FAT3: variants seen among roughly 807,000 people sequenced by gnomAD.
FAT3 encodes protocadherin Fat 3.
FAT3 carries 95 observed loss-of-function variants against 310.2 expected under a neutral mutation model. The observed-to-expected ratio is 0.31, with a 90% CI of 0.26 to 0.36. The LOEUF is 0.36. Among genes scored for constraint, FAT3 ranks in the 10% least tolerant of loss-of-function variants. The pLI, the probability that FAT3 is intolerant of heterozygous loss-of-function variation, is 1.00. For synonymous variants in FAT3, 2,314 were observed against 2,192.9 expected (o/e 1.06, Z -1.54); for missense variants, 5,408 against 5,715.6 (o/e 0.95, Z 1.74).
intron 3 of FAT3, among the ~76,000 whole-genome samples, chr11:92,614,940 A>T (rs1289395795): frequency 1.3e-5 from 2 of 152,214 alleles, no homozygotes; most frequent in Non-Finnish European, 2.9e-5. Context: ...CAGTTGTCCT[A>T]GCACTATATG....
intron 4 of FAT3, among the ~76,000 whole-genome samples, chr11:92,729,489 T>G (rs1945106908): frequency 6.7e-6 from 1 of 149,400 alleles, no homozygotes; most frequent in African/African-American, 2.5e-5. Flanking sequence ...TGCAGTGGCG[T>G]GATCTCGGCT....
chr11:92,640,838 G>C (rs968567099), intron 3 of FAT3, among the ~76,000 whole-genome samples: 1 of 152,182 alleles, frequency 6.6e-6, no homozygotes, highest in Admixed American at 6.5e-5. Flanking sequence ...GGCACAGTTG[G>C]TGAATGTGAA....
At chr11:92,802,002 G>A (rs908784195) in intron 10 of FAT3, 93 bp downstream of exon 10, 15 of 1,218,796 alleles carry the variant, frequency 1.2e-5, no homozygotes, top group Admixed American at 7.1e-5. Context: ...AGGAAGATGG[G>A]ATAAGGAGTC....
chr11:92,429,923 G>C (rs761516007), intron 2 of FAT3, among the ~76,000 whole-genome samples: 1 of 152,132 alleles, frequency 6.6e-6, no homozygotes, highest in Non-Finnish European at 1.5e-5. Context: ...ATGTTGGCCT[G>C]TCTTGCTAGG....
At chr11:92,754,054 G>A (rs1945904181) in intron 4 of FAT3, among the ~76,000 whole-genome samples, 1 of 151,784 alleles carries the variant, frequency 6.6e-6, no homozygotes, top group South Asian at 2.1e-4. Context: ...GGTGAGGGGT[G>A]CACCAACATC....
At chr11:92,345,536 A>AC (rs1312514282) in intron 1 of FAT3, among the ~76,000 whole-genome samples, 2 of 152,044 alleles carry the variant, frequency 1.3e-5, no homozygotes, top group African/African-American at 4.8e-5. Context: ...CTGCAGTGGT[A>AC]CCCCCAAATC....
intron 3 of FAT3, among the ~76,000 whole-genome samples, chr11:92,534,397 T>C (rs1445767078): frequency 6.6e-6 from 1 of 152,166 alleles, no homozygotes; most frequent in Non-Finnish European, 1.5e-5. Context: ...TAAAAATAAA[T>C]GCTATTGAAT....
Position 92,413,801 on chromosome 11 carries a change from T to C in FAT3, c.3292+58397T>C, listed in dbSNP as rs567038605. Among the ~76,000 whole-genome samples the C allele has an allele frequency of 1.2e-4, 19 of 152,330 alleles. 1 individual carries two copies. The South Asian group carries it at 3.7e-3, about 30-fold the overall frequency. On this transcript the variant is annotated intron_variant, in intron 2 of 27. Transcript: ENST00000525166. ...TCACCAAGAATATTATTTCCATATATGTTGACAGGCGGGAGAGGAAAGTTT... is the reference window on the plus strand; with the variant it reads ...TCACCAAGAATATTATTTCCATATACGTTGACAGGCGGGAGAGGAAAGTTT...
chr11:92,776,263 A>G lies in FAT3; in HGVS notation c.4335+2083A>G, dbSNP rs993576550. Among the ~76,000 whole-genome samples, 6 of 152,358 alleles carry G rather than the reference A, an allele frequency of 3.9e-5. No individual in the cohort carries two copies. In the East Asian group the frequency reaches 1.2e-3, roughly 29 times the overall value. ...AATTGAATATTTTTAGAACAAGTGA[A>G]TGAATAGTAGATACATATTCAGCAG... On this transcript the variant is annotated intron_variant, in intron 7 of 27. Coordinates refer to ENST00000525166, the MANE Select transcript of FAT3 (RefSeq NM_001367949.2).
At chr11:92,382,412 G>T (rs1371669948) in intron 2 of FAT3, among the ~76,000 whole-genome samples, 1 of 152,158 alleles carries the variant, frequency 6.6e-6, no homozygotes, top group Non-Finnish European at 1.5e-5. Context: ...TGTTATTAAA[G>T]TGACAAAGCT....
intron 1 of FAT3, among the ~76,000 whole-genome samples, chr11:92,309,895 T>C (rs1207372815): frequency 6.6e-6 from 1 of 152,168 alleles, no homozygotes; most frequent in African/African-American, 2.4e-5. Flanking sequence ...TTCCAACTAA[T>C]TGGCTCTTGA....
At chr11:92,815,340 G>A (rs1432789254) in intron 13 of FAT3, among the ~76,000 whole-genome samples, 1 of 152,220 alleles carries the variant, frequency 6.6e-6, no homozygotes, top group South Asian at 2.1e-4. Context: ...TTTGGAGGCT[G>A]AGGAGGGCAG....
Position 92,352,390 on chromosome 11 carries a change from A to G in FAT3, c.278A>G (p.Lys93Arg). 6.2e-7 allele frequency: 1 copy of G among 1,610,480 alleles called. No homozygotes were observed. Among genetic ancestry groups the G allele is most frequent in the African/African-American group, 1.3e-5 (1 of 74,956 alleles). Reference protein sequence around the residue: ...IVSGDEEGFFKAEEVIIADFC... With the variant: ...IVSGDEEGFFRAEEVIIADFC... ...TCCGGAGACGAGGAAGGCTTTTTCA[A>G]AGCAGAGGAAGTCATCATTGCAGAT... Residue 93 changes from lysine to arginine, a missense_variant, in exon 2 of 28, where the codon AAA becomes AGA. Physicochemically the swap from Lys to Arg is conservative, Grantham distance 26 (BLOSUM62 2). Coordinates refer to ENST00000525166, the MANE Select transcript of FAT3 (RefSeq NM_001367949.2).
intron 2 of FAT3, among the ~76,000 whole-genome samples, chr11:92,442,111 A>ATATATATATTTTTTTTTTTT (rs1453396603): frequency 2.2e-5 from 1 of 45,220 alleles, no homozygotes; most frequent in African/African-American, 1.8e-4. Flanking sequence ...ATATATATAT[A>ATATATATATTTTTTTTTTTT]TTTTTTTTTT....
intron 3 of FAT3, among the ~76,000 whole-genome samples, chr11:92,593,416 A>G (rs144682390): frequency 2.3e-4 from 35 of 151,396 alleles, no homozygotes; most frequent in African/African-American, 7.7e-4. Context: ...TCTGCAGTGC[A>G]CGTAACAGTT....
At chr11:92,761,025 A>C (rs1946137607) in intron 4 of FAT3, among the ~76,000 whole-genome samples, 1 of 152,254 alleles carries the variant, frequency 6.6e-6, no homozygotes, top group Non-Finnish European at 1.5e-5. Flanking sequence ...AAACAGTGGA[A>C]CATATATCAT....
chr11:92,572,887 A>C (rs1938256930), intron 3 of FAT3, among the ~76,000 whole-genome samples: 1 of 152,202 alleles, frequency 6.6e-6, no homozygotes, highest in Non-Finnish European at 1.5e-5. Context: ...TGAGTCCATA[A>C]GAAGATGGTG....
intron 3 of FAT3, among the ~76,000 whole-genome samples, chr11:92,582,613 T>A (rs541089781): frequency 2.0e-4 from 30 of 152,036 alleles, no homozygotes; most frequent in Non-Finnish European, 2.5e-4. Flanking sequence ...TTTTCCAAAA[T>A]TGGACTTCAG....
At chr11:92,697,053 G>GTT in intron 3 of FAT3, among the ~76,000 whole-genome samples, 1 of 152,212 alleles carries the variant, frequency 6.6e-6, no homozygotes, top group East Asian at 1.9e-4. Context: ...CTTTAATGAG[G>GTT]TTTCTACTGT....
Sources: gnomAD v4.1 joint callset for allele counts (sites outside exome capture counted in the v4.1 genomes callset) on GRCh38, gnomAD v4.1.1 for gene constraint, MANE v1.5 for transcripts, NCBI Gene and HGNC (gene_info 2026-07-23, HGNC 2026-07-21) for gene names.